The following SMARCC1 variants were observed in gnomAD, a reference collection of about 807,000 sequenced individuals.
The protein encoded by SMARCC1 is SWI/SNF related BAF chromatin remodeling complex subunit C1, also known as SWI/SNF complex subunit SMARCC1.
Under a neutral mutation model 147.4 loss-of-function variants are expected in SMARCC1, and 43 were observed. The ratio of observed to expected loss-of-function variants is 0.29; its 90% CI spans 0.23 to 0.38. The LOEUF is 0.38. Ranked by LOEUF, SMARCC1 falls within the 10% of genes least tolerant of loss-of-function variation. The probability of loss-of-function intolerance (pLI) is 1.00; values close to 1 mark genes in which losing one functional copy is unlikely to be tolerated. For synonymous variants in SMARCC1, 495 were observed against 484.4 expected (o/e 1.02, Z -0.29); for missense variants, 1,119 against 1,381.1 (o/e 0.81, Z 3.01).
intron 14 of SMARCC1, among the ~76,000 whole-genome samples, chr3:47,683,332 C>T (rs2033678638): frequency 6.6e-6 from 1 of 151,910 alleles, no homozygotes; most frequent in Non-Finnish European, 1.5e-5. Flanking sequence ...AGGTGTGAGC[C>T]ATCGCGCCCG....
intron 26 of SMARCC1, among the ~76,000 whole-genome samples, chr3:47,598,220 T>G (rs1393262354): frequency 6.6e-6 from 1 of 152,152 alleles, no homozygotes. Flanking sequence ...GTATTCTAGG[T>G]GGCGTGAAGG....
chr3:47,663,915 C>T (rs2033385161), intron 19 of SMARCC1: 5 of 1,455,568 alleles, frequency 3.4e-6, no homozygotes, highest in Non-Finnish European at 3.8e-6. Flanking sequence ...GCTGTCACCG[C>T]TATGAAGTCT....
At chr3:47,630,275 G>A (rs1315273700) in intron 24 of SMARCC1, among the ~76,000 whole-genome samples, 1 of 152,142 alleles carries the variant, frequency 6.6e-6, no homozygotes, top group Non-Finnish European at 1.5e-5. Context: ...TCCCTCGCAT[G>A]CACAGTTCAC....
At chr3:47,708,507 T>A (rs569856131) in intron 9 of SMARCC1, among the ~76,000 whole-genome samples, 1 of 152,156 alleles carries the variant, frequency 6.6e-6, no homozygotes, top group South Asian at 2.1e-4. Flanking sequence ...ACAAACAAAC[T>A]AAATCTGAAC....
At chr3:47,769,359 T>C (rs746174324) in intron 2 of SMARCC1, among the ~76,000 whole-genome samples, 107 of 146,782 alleles carry the variant, frequency 7.3e-4, no homozygotes, top group Non-Finnish European at 1.4e-3. Flanking sequence ...TACTAGAAAA[T>C]ACAAAAATTA....
intron 3 of SMARCC1, among the ~76,000 whole-genome samples, chr3:47,741,361 T>A: frequency 2.7e-5 from 1 of 36,936 alleles, no homozygotes; most frequent in Non-Finnish European, 9.2e-5. Flanking sequence ...CACTCAACGA[T>A]TTAATATTAA....
At position 47,710,784 on chromosome 3, in the gene SMARCC1, T is replaced by C. The variant is rs757290555; in HGVS notation, c.817A>G (p.Thr273Ala). ...TTCATCCATTCATTGAAAATATCAG[T>C]GTCCAAAATCCATTTCACATGAACC... is the stretch of plus-strand genomic sequence containing the variant. The part of the protein sequence containing the change: ...WKVHVKWILD[T>A]DIFNEWMNEE... The change falls in exon 9 of 28, where the codon ACT (threonine) becomes GCT (alanine). Residue 273 changes from threonine to alanine, a missense_variant. Thr to Ala is a moderately conservative substitution (Grantham distance 58). Transcript: ENST00000254480. The C allele has an allele frequency of 6.2e-7, 1 of 1,612,042 alleles. No individual in the cohort carries two copies. Among genetic ancestry groups the C allele is most frequent in the Non-Finnish European group, 8.5e-7 (1 of 1,179,004 alleles).
intron 20 of SMARCC1, among the ~76,000 whole-genome samples, 196 bp downstream of exon 20, chr3:47,662,138 G>C (rs571494241): frequency 2.0e-5 from 3 of 152,178 alleles, no homozygotes; most frequent in East Asian, 3.9e-4. Flanking sequence ...GGGACTATAG[G>C]CATGTGCCAC....
At chr3:47,633,777 T>TACACACACACACACACACAC (rs1207095997) in intron 24 of SMARCC1, among the ~76,000 whole-genome samples, 1 of 46,536 alleles carries the variant, frequency 2.1e-5, no homozygotes, top group African/African-American at 8.6e-5. Context: ...TATATATATA[T>TACACACACACACACACACAC]ATACACACAC....
intron 9 of SMARCC1, among the ~76,000 whole-genome samples, chr3:47,708,152 T>A (rs1458117604): frequency 8.2e-6 from 1 of 122,220 alleles, no homozygotes; most frequent in Non-Finnish European, 1.6e-5. Context: ...CAGGCTGGAG[T>A]GCAGTGGCGC....
rs1049918780 is a variant in SMARCC1 at position 47,605,375 on chromosome 3, T to C, written c.3043+4691A>G. Among the ~76,000 whole-genome samples, 15 of 152,260 alleles carry C rather than the reference T, an allele frequency of 9.9e-5. No homozygotes were observed. In the East Asian group the frequency reaches 2.9e-3, roughly 29 times the overall value. ...TCAAATGTCCAACAGAACAGACTAA[T>C]AAATAGTACAGCCACAGAACACTGT... On this transcript the variant is annotated intron_variant, in intron 26 of 27. Transcript: ENST00000254480.
Position 47,761,592 on chromosome 3 carries a change from A to C in SMARCC1, c.315+11225T>G, listed in dbSNP as rs202138289. Among the ~76,000 whole-genome samples the C allele has an allele frequency of 5.9e-5, 9 of 152,118 alleles. No individual in the cohort carries two copies. The East Asian group carries it at 1.7e-3, about 29-fold the overall frequency. ...TAGATTGGACCTGATGGATGATGACAACTCAAGTGACTACGACTGCTGATT... is the reference window on the plus strand; with the variant it reads ...TAGATTGGACCTGATGGATGATGACCACTCAAGTGACTACGACTGCTGATT... On this transcript the variant is annotated intron_variant, in intron 2 of 27. Coordinates refer to ENST00000254480, the MANE Select transcript of SMARCC1 (RefSeq NM_003074.4).
At chr3:47,664,703 G>A (rs1432150619) in intron 19 of SMARCC1, among the ~76,000 whole-genome samples, 3 of 152,114 alleles carry the variant, frequency 2.0e-5, no homozygotes, top group Non-Finnish European at 4.4e-5. Flanking sequence ...TCAATGAAGG[G>A]TAATTTTTGC....
intron 15 of SMARCC1, 35 bp from the exon 16 acceptor site, chr3:47,678,346 T>C (rs1160538433): frequency 8.6e-6 from 9 of 1,042,496 alleles, no homozygotes; most frequent in Admixed American, 2.1e-5. Context: ...AAGGTGGACA[T>C]GTATCCTCTC....
At chr3:47,772,018 G>A (rs530839316) in intron 2 of SMARCC1, among the ~76,000 whole-genome samples, 31 of 151,098 alleles carry the variant, frequency 2.1e-4, no homozygotes, top group Admixed American at 5.9e-4. Flanking sequence ...GCAGTGAGCC[G>A]AAATCACACC....
intron 3 of SMARCC1, among the ~76,000 whole-genome samples, chr3:47,740,003 A>G (rs534873500): frequency 6.6e-6 from 1 of 151,714 alleles, no homozygotes; most frequent in Admixed American, 6.6e-5. Context: ...CAGCCTCCTG[A>G]TTAGCTGGGA....
intron 2 of SMARCC1, among the ~76,000 whole-genome samples, chr3:47,760,019 C>A (rs1343631753): frequency 1.3e-5 from 2 of 151,964 alleles, no homozygotes; most frequent in African/African-American, 4.8e-5. Flanking sequence ...AGCAATAACA[C>A]AGAAAAATTT....
At chr3:47,701,751 T>C (rs148964638) in intron 10 of SMARCC1, 3 of 203,098 alleles carry the variant, frequency 1.5e-5, no homozygotes, top group Non-Finnish European at 2.9e-5. Context: ...AAGGTGGAGG[T>C]TGGAGTGAGC....
chr3:47,640,925 T>C (rs551054406), intron 21 of SMARCC1, among the ~76,000 whole-genome samples: 4 of 152,314 alleles, frequency 2.6e-5, no homozygotes, highest in South Asian at 4.1e-4. Flanking sequence ...TTAATATTAG[T>C]ACTCTACAAA....
Sources: allele counts gnomAD v4.1 joint callset (sites outside exome capture counted in the v4.1 genomes callset), GRCh38; gene constraint gnomAD v4.1.1; transcripts MANE v1.5; gene names NCBI Gene and HGNC (gene_info 2026-07-23, HGNC 2026-07-21).